The following AVEN variants were observed in gnomAD, a reference collection of about 807,000 sequenced individuals.
AVEN encodes the protein apoptosis and caspase activation inhibitor.
A neutral mutation model predicts 38.1 loss-of-function variants in AVEN; 41 were observed. That is an observed-to-expected ratio of 1.08 (90% CI 0.84 to 1.40). The LOEUF is 1.40. Among genes scored for constraint, AVEN ranks in the 40% most tolerant of loss-of-function variants. AVEN has a pLI of 0.00. For synonymous variants in AVEN, 206 were observed against 171.8 expected (o/e 1.20, Z -1.56); for missense variants, 605 against 438.8 (o/e 1.38, Z -3.38).
At chr15:34,009,261 A>T (rs916729440) in intron 1 of AVEN, among the ~76,000 whole-genome samples, 2 of 152,238 alleles carry the variant, frequency 1.3e-5, no homozygotes, top group Non-Finnish European at 2.9e-5. Context: ...ATACACTAAC[A>T]AAGTTCTTCA....
chr15:33,946,634 C>T (rs912394806), intron 2 of AVEN, among the ~76,000 whole-genome samples: 12 of 151,996 alleles, frequency 7.9e-5, no homozygotes, highest in Admixed American at 5.2e-4. Context: ...GGGTAGGAAG[C>T]GTGGGGCAGT....
intron 2 of AVEN, chr15:34,066,903 CT>C (rs1900525764): frequency 6.6e-6 from 1 of 152,040 alleles, no homozygotes; most frequent in Admixed American, 6.5e-5. Flanking sequence ...ACCTATGCCT[CT>C]TGACATAGAC....
At chr15:33,894,493 G>A (rs1441876532) in intron 2 of AVEN, among the ~76,000 whole-genome samples, 1 of 124,392 alleles carries the variant, frequency 8.0e-6, no homozygotes, top group Non-Finnish European at 1.7e-5. Flanking sequence ...ACAGGCAGTT[G>A]GGGTGGATAG....
chr15:33,964,638 T>TA (rs1041066404), intron 2 of AVEN, among the ~76,000 whole-genome samples: 8 of 152,160 alleles, frequency 5.3e-5, no homozygotes, highest in African/African-American at 1.9e-4. Flanking sequence ...TACTTAGTTT[T>TA]AAAAAAAAAT....
intron 2 of AVEN, among the ~76,000 whole-genome samples, chr15:33,935,298 C>G (rs1230244847): frequency 6.6e-6 from 1 of 152,136 alleles, no homozygotes; most frequent in South Asian, 2.1e-4. Context: ...AAAATGCTAG[C>G]TAGCACAAGT....
At chr15:34,000,647 T>TA (rs1263232377) in intron 2 of AVEN, among the ~76,000 whole-genome samples, 1 of 152,208 alleles carries the variant, frequency 6.6e-6, no homozygotes, top group African/African-American at 2.4e-5. Context: ...CTGCATACTC[T>TA]AGAATTTTTA....
chr15:33,910,021 G>A (rs1057015401), intron 2 of AVEN, among the ~76,000 whole-genome samples: 1 of 151,878 alleles, frequency 6.6e-6, no homozygotes, highest in South Asian at 2.1e-4. Context: ...TTAGCTACTC[G>A]GGAGGCTGAG....
intron 2 of AVEN, among the ~76,000 whole-genome samples, chr15:33,900,068 G>T (rs898935072): frequency 6.6e-6 from 1 of 151,802 alleles, no homozygotes; most frequent in African/African-American, 2.4e-5. Context: ...ATGTATTATT[G>T]TCCTAGTGTC....
intron 2 of AVEN, among the ~76,000 whole-genome samples, chr15:33,895,289 TG>T (rs35817257): frequency 0.82 from 124,156 of 151,510 alleles, 54,965 homozygotes; most frequent in Non-Finnish European, 0.98. Flanking sequence ...AGATACTTTT[TG>T]AACAACTCAG....
At chr15:34,009,928 C>T (rs746416721) in intron 1 of AVEN, among the ~76,000 whole-genome samples, 11 of 152,244 alleles carry the variant, frequency 7.2e-5, no homozygotes, top group Non-Finnish European at 1.2e-4. Context: ...TGACACTGTA[C>T]TCCAGCCTGG....
At chr15:33,872,768 C>A (rs768706262) in intron 3 of AVEN, among the ~76,000 whole-genome samples, 15 of 152,144 alleles carry the variant, frequency 9.9e-5, no homozygotes, top group Non-Finnish European at 2.1e-4. Context: ...TGTTTGTTCA[C>A]CCAGGGAAAT....
chr15:33,884,275 G>C (rs115726762), intron 2 of AVEN, among the ~76,000 whole-genome samples: 2,416 of 152,224 alleles, frequency 0.016, 70 homozygotes, highest in African/African-American at 0.054. Context: ...TTTTATGATA[G>C]TTGACATACT....
chr15:34,072,863 A>C (rs1451073803), intron 1 of AVEN, among the ~76,000 whole-genome samples: 1 of 151,510 alleles, frequency 6.6e-6, no homozygotes. Context: ...GTTAGCCACG[A>C]TGGTCTCGAT....
chr15:33,859,071 G>A (rs7174931), exon 12 of AVEN: 6,029 of 154,262 alleles, frequency 0.039, 387 homozygotes, highest in African/African-American at 0.13. Context: ...TGCTCAGGGA[G>A]CCCGTGCCTA....
intron 5 of AVEN, among the ~76,000 whole-genome samples, chr15:34,058,704 A>G (rs908860676): frequency 6.6e-6 from 1 of 152,124 alleles, no homozygotes; most frequent in Non-Finnish European, 1.5e-5. Context: ...TTCTCTGCCT[A>G]TAAAGCCAAA....
chr15:34,035,097 T>A (rs2140778647), intron 1 of AVEN, among the ~76,000 whole-genome samples: 1 of 152,324 alleles, frequency 6.6e-6, no homozygotes, highest in East Asian at 1.9e-4. Flanking sequence ...ATTTCCTTTT[T>A]ACCCAGTGAA....
chr15:33,859,543 T>C, intron 11 of AVEN: 1 of 1,612,654 alleles, frequency 6.2e-7, no homozygotes, highest in African/African-American at 1.3e-5. Flanking sequence ...ACTGTGACTT[T>C]TGCCTAAATC....
chr15:34,058,132 C>A (rs8035849), intron 5 of AVEN, among the ~76,000 whole-genome samples: 50,079 of 151,862 alleles, frequency 0.33, 9,089 homozygotes, highest in African/African-American at 0.47. Flanking sequence ...TTCCCTTAAC[C>A]CCTTCAAATG....
chr15:33,935,069 G>A (rs777436806), intron 2 of AVEN, among the ~76,000 whole-genome samples: 182 of 152,120 alleles, frequency 1.2e-3, no homozygotes, highest in Non-Finnish European at 1.1e-3. Flanking sequence ...GGGGTGGAAC[G>A]ATCCATCCAA....
Sources: gnomAD v4.1 joint callset for allele counts (sites outside exome capture counted in the v4.1 genomes callset) on GRCh38, gnomAD v4.1.1 for gene constraint, MANE v1.5 for transcripts, NCBI Gene and HGNC (gene_info 2026-07-23, HGNC 2026-07-21) for gene names.